CR1: variants seen among roughly 807,000 people sequenced by gnomAD.
CR1 encodes the protein complement receptor type 1.
In CR1, 116 loss-of-function variants were observed where a neutral mutation model predicts 187.3. The observed-to-expected ratio is 0.62, with a 90% CI of 0.53 to 0.72. The LOEUF is 0.72. CR1 is among the 30% of genes least tolerant of loss of function. The probability of loss-of-function intolerance (pLI) is 0.00; values close to 1 mark genes in which losing one functional copy is unlikely to be tolerated. For synonymous variants in CR1, 576 were observed against 747.1 expected (o/e 0.77, Z 3.73); for missense variants, 1,731 against 2,110.7 (o/e 0.82, Z 3.52).
intron 40 of CR1, among the ~76,000 whole-genome samples, chr1:207,614,795 A>C (rs886881281): frequency 6.6e-6 from 1 of 152,096 alleles, no homozygotes. Context: ...TTTCTTATCA[A>C]GGAGGAATCT....
At chr1:207,581,085 A>C (rs1175356793) in intron 31 of CR1, among the ~76,000 whole-genome samples, 2 of 148,970 alleles carry the variant, frequency 1.3e-5, no homozygotes, top group African/African-American at 2.6e-5. Context: ...GAAATACAAA[A>C]GATCTTGAAA....
At chr1:207,580,678 T>A in intron 31 of CR1, 65 bp downstream of exon 31, 2 of 1,432,514 alleles carry the variant, frequency 1.4e-6, no homozygotes, top group Non-Finnish European at 1.9e-6. Context: ...AGCTTAAGGA[T>A]CAATCCAAAA....
At chr1:207,615,071 A>C (rs755942609) in intron 40 of CR1, among the ~76,000 whole-genome samples, 2 of 152,132 alleles carry the variant, frequency 1.3e-5, no homozygotes, top group African/African-American at 2.4e-5. Flanking sequence ...GGCCTCCAAA[A>C]GTGTTAGGAT....
chr1:207,586,166 T>G (rs1036570627), intron 33 of CR1, among the ~76,000 whole-genome samples: 2 of 151,314 alleles, frequency 1.3e-5, no homozygotes, highest in South Asian at 2.1e-4. Context: ...AGAGAGAGGG[T>G]CTTACTCTTT....
chr1:207,611,646 A>G, intron 37 of CR1, 31 bp from the exon 38 acceptor site: 1 of 1,611,642 alleles, frequency 6.2e-7, no homozygotes, highest in South Asian at 1.1e-5. Context: ...CCCCATATCT[A>G]ACAAGTGCTC....
rs1661851002 is a variant in CR1 at position 207,609,521 on chromosome 1, C to T, written c.6128C>T (p.Ala2043Val). Residue 2043 changes from alanine (A) to valine (V), a missense_variant, in exon 37 of 47, where the codon GCT becomes GTT. Coordinates refer to ENST00000367049, the MANE Select transcript of CR1 (RefSeq NM_000651.6). Reference protein sequence around the residue: ...PRCISTNKCTAPEVENAIRVP... With the variant: ...PRCISTNKCTVPEVENAIRVP... ...TGTATTTCTACTAATAAATGCACAG[C>T]TCCAGAAGTTGAAAATGCAATTAGA... 6.2e-7 allele frequency: 1 copy of T among 1,613,826 alleles called. No individual in the cohort carries two copies.
intron 45 of CR1, among the ~76,000 whole-genome samples, chr1:207,629,194 A>G (rs866885132): frequency 4.0e-4 from 61 of 152,216 alleles, no homozygotes; most frequent in African/African-American, 1.4e-3. Context: ...ATTTCTACAC[A>G]AAACAGCCTT....
chr1:207,605,257 CA>C (rs200443731), intron 35 of CR1, among the ~76,000 whole-genome samples: 2,619 of 81,286 alleles, frequency 0.032, 65 homozygotes, highest in African/African-American at 0.13. Flanking sequence ...CAGACCCTGT[CA>C]AAAAAAAAAA....
chr1:207,637,720 G>C (rs557977304), intron 46 of CR1, among the ~76,000 whole-genome samples: 38 of 152,316 alleles, frequency 2.5e-4, no homozygotes, highest in African/African-American at 9.1e-4. Context: ...TGTGGGGCCA[G>C]GTACCCATAC....
rs1662910323 is a variant in CR1 at position 207,639,332 on chromosome 1, T to C, written c.7458-65T>C. On this transcript the variant is annotated intron_variant, in intron 46 of 46. Transcript: ENST00000367049. Reference sequence around the variant, plus strand: ...AAAATATCCAAAGCTTATCAGCCTGTAAATTCTGGGTAGTTCAGTTGTCTA... The same window carrying C: ...AAAATATCCAAAGCTTATCAGCCTGCAAATTCTGGGTAGTTCAGTTGTCTA... The C allele has an allele frequency of 3.4e-6, 5 of 1,479,772 alleles. No individual in the cohort carries two copies. The Admixed American group carries it at 7.7e-5, about 23-fold the overall frequency. The allele number at this position is 1,479,772 out of a possible 1,614,324, so 91.7% of individuals were successfully genotyped here. A position where few individuals can be genotyped will look rare whatever the true frequency, so the allele number is the denominator to read the frequency against.
rs148543091 is a variant in CR1 at position 207,505,982 on chromosome 1, C to T, written c.200C>T (p.Thr67Ile). 21 of 1,613,954 alleles carry T rather than the reference C, an allele frequency of 1.3e-5. No individual in the cohort carries two copies. The highest frequency in any genetic ancestry group is 1.8e-5 in the Non-Finnish European group (21 of 1,179,872). Reference protein sequence around the residue: ...LTDEFEFPIGTYLNYECRPGY... With the variant: ...LTDEFEFPIGIYLNYECRPGY... ...GATGAATTTGAGTTTCCCATTGGGA[C>T]ATATCTGAACTATGAATGCCGCCCT... Residue 67 changes from threonine to isoleucine, a missense_variant, in exon 2 of 47, where the codon ACA (threonine) becomes ATA (isoleucine). Thr to Ile is a moderately conservative substitution (Grantham distance 89). This residue lies in a region of CR1 where 237 missense variants were observed against 240.4 expected (regional missense o/e 0.99). Coordinates refer to ENST00000367049, the MANE Select transcript of CR1 (RefSeq NM_000651.6).
At chr1:207,498,256 G>A (rs1348686038) in intron 1 of CR1, among the ~76,000 whole-genome samples, 1 of 152,190 alleles carries the variant, frequency 6.6e-6, no homozygotes, top group Non-Finnish European at 1.5e-5. Flanking sequence ...AGTCGTGCAA[G>A]ACTGCAGGAT....
At chr1:207,613,758 T>C (rs187994616) in intron 39 of CR1, among the ~76,000 whole-genome samples, 15 of 152,294 alleles carry the variant, frequency 9.8e-5, no homozygotes, top group Admixed American at 3.3e-4. Flanking sequence ...CACCTAATAA[T>C]GATTTCCAAT....
At chr1:207,607,386 GC>G (rs1177955354) in intron 36 of CR1, 50 bp downstream of exon 36, 2 of 1,359,318 alleles carry the variant, frequency 1.5e-6, no homozygotes, top group Non-Finnish European at 1.1e-6. Context: ...ATCCTGACTT[GC>G]CCCTGGAGTA....
chr1:207,630,446 T>C, intron 45 of CR1, 71 bp from the exon 46 acceptor site: 6 of 1,006,448 alleles, frequency 6.0e-6, no homozygotes, highest in Non-Finnish European at 8.5e-6. Flanking sequence ...AAAATGCAAA[T>C]TACTAATTTC....
intron 35 of CR1, among the ~76,000 whole-genome samples, chr1:207,601,929 A>C (rs996228711): frequency 6.6e-6 from 1 of 152,058 alleles, no homozygotes; most frequent in Admixed American, 6.6e-5. Flanking sequence ...TCAGTTCCTC[A>C]CTACATGGGC....
chr1:207,607,906 T>A (rs1200172545), intron 36 of CR1, among the ~76,000 whole-genome samples: 1 of 152,188 alleles, frequency 6.6e-6, no homozygotes, highest in Non-Finnish European at 1.5e-5. Flanking sequence ...GAAGAATGAT[T>A]GCAAATTGGC....
chr1:207,626,478 G>T (rs1185980144), intron 45 of CR1, among the ~76,000 whole-genome samples: 1 of 152,164 alleles, frequency 6.6e-6, no homozygotes, highest in Non-Finnish European at 1.5e-5. Flanking sequence ...AAAGACAAGG[G>T]CATAAAGGGC....
chr1:207,609,342 C>T lies in CR1; in HGVS notation c.5949C>T (p.Asn1983=), dbSNP rs1400987723. 2 of 1,613,920 alleles carry T rather than the reference C, an allele frequency of 1.2e-6. No homozygotes were observed. The highest frequency in any genetic ancestry group is 2.2e-5 in the South Asian group (2 of 91,078). Residue 1983 remains asparagine, a synonymous_variant, in exon 37 of 47, where the codon AAC becomes AAT. Transcript: ENST00000367049. ...TATCCAATGGAGACTTCTACAGCAACAATAGAACATCTTTTCACAATGGAA... is the reference window on the plus strand; with the variant it reads ...TATCCAATGGAGACTTCTACAGCAATAATAGAACATCTTTTCACAATGGAA... ...PTISNGDFYS[N]NRTSFHNGTV... is the part of the protein sequence containing the mutation.
Sources: gnomAD v4.1 joint callset for allele counts (sites outside exome capture counted in the v4.1 genomes callset) on GRCh38, gnomAD v4.1.1 for gene constraint, gnomAD v4.1.1 regional missense constraint, MANE v1.5 for transcripts, NCBI Gene and HGNC (gene_info 2026-07-23, HGNC 2026-07-21) for gene names.